The following ERO1B variants were observed in gnomAD, a reference collection of about 807,000 sequenced individuals.
ERO1B encodes endoplasmic reticulum oxidoreductase 1 beta.
ERO1B carries 49 observed loss-of-function variants against 75.3 expected under a neutral mutation model. The observed-to-expected ratio is 0.65, with a 90% CI of 0.52 to 0.83. The LOEUF is 0.83. ERO1B is among the 40% of genes least tolerant of loss of function. ERO1B has a pLI of 0.00. For synonymous variants in ERO1B, 191 were observed against 192.9 expected, an observed-to-expected ratio of 0.99 and a Z score of 0.08; for missense variants, 512 against 560.1, an observed-to-expected ratio of 0.91 and a Z score of 0.87.
chr1:236,269,152 T>C (rs1665533808), intron 2 of ERO1B, among the ~76,000 whole-genome samples: 1 of 151,300 alleles, frequency 6.6e-6, no homozygotes, highest in South Asian at 2.1e-4. Context: ...GAAGAATCGC[T>C]TGAAGCCAGG....
rs1426726564 is a variant in ERO1B at position 236,217,916 on chromosome 1, A to G, written c.*600T>C. 6.6e-6 allele frequency: 1 copy of G among 152,158 alleles called. No individual in the cohort carries two copies. The highest frequency in any genetic ancestry group is 1.5e-5 in the Non-Finnish European group (1 of 68,000). The allele number at this position is 152,158 out of a possible 1,614,324, so 9.4% of individuals were successfully genotyped here. Reference sequence around the variant, plus strand: ...AACTAAAAACTGCAAATAAAAACCAATGAAATTGAAGTCCTGGGGAATCTT... The same window carrying G: ...AACTAAAAACTGCAAATAAAAACCAGTGAAATTGAAGTCCTGGGGAATCTT... On this transcript the variant is annotated 3_prime_UTR_variant, in exon 16 of 16. Transcript: ENST00000354619.
At chr1:236,238,395 G>A (rs1282101655) in intron 6 of ERO1B, among the ~76,000 whole-genome samples, 2 of 151,814 alleles carry the variant, frequency 1.3e-5, no homozygotes, top group Non-Finnish European at 2.9e-5. Context: ...CTTTTGATAT[G>A]GGCATGGTGG....
chr1:236,249,884 C>T lies in ERO1B; in HGVS notation c.431+1G>A. The T allele has an allele frequency of 6.4e-7, 1 of 1,572,386 alleles. No homozygotes were observed. Among genetic ancestry groups the T allele is most frequent in the South Asian group, 1.2e-5 (1 of 80,898 alleles). The stretch of plus-strand genomic sequence containing the variant: ...CTTAATATTACCAAAATAAAACTTG[C>T]CTTAATGTGCTGTTAATTGCTCCCA... On this transcript the variant is annotated splice_donor_variant, in intron 5 of 15. Transcript: ENST00000354619. LOFTEE classifies it high-confidence loss of function.
intron 6 of ERO1B, among the ~76,000 whole-genome samples, chr1:236,239,871 G>GTA (rs1664650118): frequency 8.0e-6 from 1 of 124,498 alleles, no homozygotes; most frequent in Admixed American, 8.5e-5. Context: ...ATATATATAT[G>GTA]TGTATATGTG....
At chr1:236,236,051 A>T (rs1664534288) in intron 7 of ERO1B, among the ~76,000 whole-genome samples, 1 of 152,028 alleles carries the variant, frequency 6.6e-6, no homozygotes, top group African/African-American at 2.4e-5. Flanking sequence ...CAGCCTCCCA[A>T]GTAGCTGGGA....
chr1:236,225,830 A>G (rs2463184), intron 12 of ERO1B, among the ~76,000 whole-genome samples: 86,028 of 152,042 alleles, frequency 0.57, 27,031 homozygotes, highest in East Asian at 0.88. Context: ...AGTTACTTAG[A>G]AGGCTGAGGC....
chr1:236,236,984 G>A (rs1348669614), intron 6 of ERO1B, among the ~76,000 whole-genome samples: 1 of 151,996 alleles, frequency 6.6e-6, no homozygotes, highest in Non-Finnish European at 1.5e-5. Context: ...ACATATTGAA[G>A]TGTTTTTTTT....
At chr1:236,278,539 G>A (rs1665757128) in intron 1 of ERO1B, among the ~76,000 whole-genome samples, 1 of 152,100 alleles carries the variant, frequency 6.6e-6, no homozygotes, top group Non-Finnish European at 1.5e-5. Context: ...TTTAGGAGAA[G>A]CCCTCAGAGT....
intron 5 of ERO1B, among the ~76,000 whole-genome samples, chr1:236,249,625 C>T (rs951655233): frequency 6.6e-6 from 1 of 152,004 alleles, no homozygotes; most frequent in East Asian, 1.9e-4. Context: ...ATCCATAAAC[C>T]CTGTTAGCTG....
At chr1:236,231,700 A>G (rs1432153275) in intron 9 of ERO1B, among the ~76,000 whole-genome samples, 2 of 152,158 alleles carry the variant, frequency 1.3e-5, no homozygotes, top group African/African-American at 4.8e-5. Context: ...CTGAGTAAGG[A>G]GTCTAGGGAT....
At chr1:236,278,014 T>C (rs1453760092) in intron 1 of ERO1B, among the ~76,000 whole-genome samples, 1 of 152,202 alleles carries the variant, frequency 6.6e-6, no homozygotes, top group Non-Finnish European at 1.5e-5. Flanking sequence ...TTCTGTTGTC[T>C]AATATCTGAT....
intron 4 of ERO1B, among the ~76,000 whole-genome samples, chr1:236,250,609 A>G (rs1012030648): frequency 7.2e-5 from 5 of 69,732 alleles, no homozygotes; most frequent in Non-Finnish European, 3.0e-5. Context: ...ATATATATAT[A>G]TATATATATC....
At chr1:236,271,024 C>T (rs1465641411) in intron 1 of ERO1B, among the ~76,000 whole-genome samples, 3 of 152,046 alleles carry the variant, frequency 2.0e-5, no homozygotes, top group Non-Finnish European at 4.4e-5. Context: ...CATACACATA[C>T]AAACAAAACA....
At chr1:236,223,044 A>C (rs1303645963) in intron 13 of ERO1B, among the ~76,000 whole-genome samples, 1 of 152,026 alleles carries the variant, frequency 6.6e-6, no homozygotes, top group Non-Finnish European at 1.5e-5. Flanking sequence ...GTCTACTAAA[A>C]ATACAAAATC....
At position 236,280,964 on chromosome 1, in the gene ERO1B, G is replaced by C. The variant is rs545659176; in HGVS notation, c.102+718C>G. Among the ~76,000 whole-genome samples the C allele has an allele frequency of 3.3e-5, 5 of 152,230 alleles. No homozygotes were observed. The South Asian group carries it at 1.0e-3, about 32-fold the overall frequency. ...GATTTCTAGCACACTGAGAACACTTGTAATCATCGCTTCACATCAACAACC... is the reference window on the plus strand; with the variant it reads ...GATTTCTAGCACACTGAGAACACTTCTAATCATCGCTTCACATCAACAACC... On this transcript the variant is annotated intron_variant, in intron 1 of 15. Coordinates refer to ENST00000354619, the MANE Select transcript of ERO1B (RefSeq NM_019891.4).
intron 14 of ERO1B, chr1:236,221,662 T>C (rs752037393): frequency 2.1e-5 from 7 of 340,472 alleles, no homozygotes; most frequent in Non-Finnish European, 3.7e-5. Flanking sequence ...GACCACCAAC[T>C]TCACAAATGA....
chr1:236,274,575 G>T (rs1665669448), intron 1 of ERO1B, among the ~76,000 whole-genome samples: 1 of 151,824 alleles, frequency 6.6e-6, no homozygotes, highest in African/African-American at 2.4e-5. Context: ...CTATTCTCCA[G>T]GTATCTTAAG....
chr1:236,246,922 A>C lies in ERO1B; in HGVS notation c.431+2963T>G, dbSNP rs189850035. ...AAGAATAATTTCTGTTCAACAACAA[A>C]AAACTATATGCAAAATTAAAGGACA... On this transcript the variant is annotated intron_variant, in intron 5 of 15. Coordinates refer to ENST00000354619, the MANE Select transcript of ERO1B (RefSeq NM_019891.4). Among the ~76,000 whole-genome samples, 48 of 152,338 alleles carry C rather than the reference A, an allele frequency of 3.2e-4. No homozygotes were observed. The East Asian group carries it at 7.5e-3, about 24-fold the overall frequency.
At chr1:236,226,905 T>C (rs1169334317) in intron 10 of ERO1B, among the ~76,000 whole-genome samples, 166 bp from the exon 11 acceptor site, 1 of 152,164 alleles carries the variant, frequency 6.6e-6, no homozygotes, top group Non-Finnish European at 1.5e-5. Flanking sequence ...GAAGGCAAAG[T>C]AAGATTTTGG....
Sources: gnomAD v4.1 joint callset for allele counts (sites outside exome capture counted in the v4.1 genomes callset) on GRCh38, gnomAD v4.1.1 for gene constraint, MANE v1.5 for transcripts, NCBI Gene and HGNC (gene_info 2026-07-23, HGNC 2026-07-21) for gene names.